SLC8A3: variants seen among roughly 807,000 people sequenced by gnomAD.
SLC8A3 encodes solute carrier family 8 member A3, also known as sodium/calcium exchanger 3.
Under a neutral mutation model 65.4 loss-of-function variants are expected in SLC8A3, and 37 were observed. The observed-to-expected ratio is 0.57, with a 90% CI of 0.44 to 0.74. The LOEUF (loss-of-function observed/expected upper bound fraction) is 0.74. Among genes scored for constraint, SLC8A3 ranks in the 30% least tolerant of loss-of-function variants. The pLI, the probability that SLC8A3 is intolerant of heterozygous loss-of-function variation, is 0.00. For missense variants in SLC8A3, 1,112 were observed against 1,172.1 expected, an observed-to-expected ratio of 0.95 and a Z score of 0.75; for synonymous variants, 461 against 444.5, an observed-to-expected ratio of 1.04 and a Z score of -0.47.
At chr14:70,047,220 A>G (rs1886893038) in intron 6 of SLC8A3, 1 of 152,144 alleles carries the variant, frequency 6.6e-6, no homozygotes, top group South Asian at 2.1e-4. Context: ...GAGATGCCCA[A>G]AGGTATCTGC....
Position 70,166,721 on chromosome 14 carries a change from T to C in SLC8A3, c.1702A>G (p.Thr568Ala), listed in dbSNP as rs1401153339. Reference protein sequence around the residue: ...ARGTVIVPFRTVEGTAKGGGE... With the variant: ...ARGTVIVPFRAVEGTAKGGGE... The stretch of plus-strand genomic sequence containing the variant: ...CCACCCTTGGCTGTCCCTTCTACTG[T>C]CCTAAAGGGGACGATGACTGTACCC... The change falls in exon 2 of 7, where the codon ACA (threonine) becomes GCA (alanine). Residue 568 changes from threonine (T) to alanine (A), a missense_variant. Thr to Ala is a moderately conservative substitution (Grantham distance 58). Coordinates refer to ENST00000356921, the MANE Select transcript of SLC8A3 (RefSeq NM_182932.3). 2.5e-6 allele frequency: 4 copies of C among 1,613,996 alleles called. No individual in the cohort carries two copies. The South Asian group carries it at 4.4e-5, about 18-fold the overall frequency.
intron 2 of SLC8A3, among the ~76,000 whole-genome samples, chr14:70,146,204 T>C (rs1284669249): frequency 1.3e-5 from 2 of 152,110 alleles, no homozygotes; most frequent in Non-Finnish European, 2.9e-5. Flanking sequence ...CTGAATAAAA[T>C]GGTAATTGAC....
At chr14:70,182,562 G>GAGAA (rs56908311) in intron 1 of SLC8A3, among the ~76,000 whole-genome samples, 129,394 of 151,484 alleles carry the variant, frequency 0.85, 55,335 homozygotes, top group Admixed American at 0.88. Flanking sequence ...GAGAGAGAGA[G>GAGAA]AGAAAGAGGG....
At chr14:70,150,261 A>G (rs1163556969) in intron 2 of SLC8A3, among the ~76,000 whole-genome samples, 1 of 152,238 alleles carries the variant, frequency 6.6e-6, no homozygotes, top group African/African-American at 2.4e-5. Flanking sequence ...AGGTGCTATT[A>G]TTAGCCATGT....
At chr14:70,079,777 G>A (rs1300524506) in intron 2 of SLC8A3, among the ~76,000 whole-genome samples, 3 of 152,168 alleles carry the variant, frequency 2.0e-5, no homozygotes, top group African/African-American at 4.8e-5. Flanking sequence ...CAATAATTTA[G>A]TTGAGCTCTG....
chr14:70,175,987 A>G (rs2140413726), intron 1 of SLC8A3, among the ~76,000 whole-genome samples: 1 of 151,790 alleles, frequency 6.6e-6, no homozygotes, highest in East Asian at 1.9e-4. Flanking sequence ...CGCCCACCTC[A>G]CCCTCCCAAA....
intron 2 of SLC8A3, among the ~76,000 whole-genome samples, chr14:70,113,689 G>T (rs76984421): frequency 0.047 from 7,099 of 152,218 alleles, 208 homozygotes; most frequent in Middle Eastern, 0.075. Flanking sequence ...TAAAAATGAG[G>T]TGAATCACTA....
At chr14:70,062,805 C>T (rs944913780) in intron 2 of SLC8A3, among the ~76,000 whole-genome samples, 1 of 152,152 alleles carries the variant, frequency 6.6e-6, no homozygotes, top group Non-Finnish European at 1.5e-5. Flanking sequence ...TATGGGACCC[C>T]AGGGCTGTCT....
intron 1 of SLC8A3, among the ~76,000 whole-genome samples, chr14:70,184,972 T>C (rs28591664): frequency 1.0e-3 from 114 of 113,030 alleles, no homozygotes; most frequent in Admixed American, 9.0e-4. Context: ...TTTTCTTTTT[T>C]TTTTTTTTTT....
intron 1 of SLC8A3, among the ~76,000 whole-genome samples, chr14:70,172,982 G>A (rs1192751334): frequency 6.6e-6 from 1 of 152,174 alleles, no homozygotes; most frequent in East Asian, 1.9e-4. Context: ...TGATGGAAAA[G>A]GCTGCTGTGG....
rs778608471 is a variant in SLC8A3, at chr14:70,046,287, A to G, written c.2426T>C (p.Val809Ala). Residue 809 changes from valine to alanine, a missense_variant, in exon 7 of 7, where the codon GTA (valine) becomes GCA (alanine). Transcript: ENST00000356921. This position sits in a 1 kb window ranked among gnomAD's most constrained non-coding sequence, Gnocchi z 4.2. ...FASKAAALQDVYADASIGNVT... is the reference protein window; with the variant it reads ...FASKAAALQDAYADASIGNVT... The stretch of plus-strand genomic sequence containing the variant: ...GTTGCCAATGGAGGCGTCTGCATAT[A>G]CATCCTGGAGGGCAGCAGCTTTGCT... 1.6e-5 allele frequency: 26 copies of G among 1,613,374 alleles called. No individual in the cohort carries two copies. Among genetic ancestry groups the G allele is most frequent in the Non-Finnish European group, 2.0e-5 (24 of 1,179,566 alleles).
chr14:70,152,592 T>A (rs916057451), intron 2 of SLC8A3, among the ~76,000 whole-genome samples: 1 of 151,836 alleles, frequency 6.6e-6, no homozygotes, highest in African/African-American at 2.4e-5. Context: ...GATTTAGCCA[T>A]GAGAAGAAAG....
chr14:70,060,642 G>A (rs748885857), intron 3 of SLC8A3, 194 bp downstream of exon 3: 9 of 725,296 alleles, frequency 1.2e-5, no homozygotes, highest in Admixed American at 7.0e-5. Context: ...AGATGATACC[G>A]AAACAGGGTG....
At chr14:70,063,965 TAGAGTGTAGGACAAGTCAGC>T (rs1566747605) in intron 2 of SLC8A3, 1 of 1,192,196 alleles carries the variant, frequency 8.4e-7, no homozygotes, top group South Asian at 1.2e-5. Flanking sequence ...AAGCAAGGAG[TAGAGTGTAGGACAAGTCAGC>T]CAGCAGACAA....
intron 2 of SLC8A3, among the ~76,000 whole-genome samples, chr14:70,108,399 C>CA (rs764907002): frequency 0.27 from 25,119 of 91,654 alleles, 2,764 homozygotes; most frequent in African/African-American, 0.38. Context: ...GACTCCGTCT[C>CA]AAAAAAAAAA....
chr14:70,149,132 A>G (rs950387311), intron 2 of SLC8A3, among the ~76,000 whole-genome samples: 1 of 152,244 alleles, frequency 6.6e-6, no homozygotes, highest in Non-Finnish European at 1.5e-5. Flanking sequence ...CCTGGCACAC[A>G]GTAAGTACTA....
At chr14:70,104,737 A>G (rs1278101462) in intron 2 of SLC8A3, among the ~76,000 whole-genome samples, 2 of 152,222 alleles carry the variant, frequency 1.3e-5, no homozygotes, top group Non-Finnish European at 2.9e-5. Flanking sequence ...AAGAAAAATT[A>G]GAATATATTG....
intron 2 of SLC8A3, among the ~76,000 whole-genome samples, chr14:70,151,730 A>G (rs1363887564): frequency 6.6e-6 from 1 of 152,196 alleles, no homozygotes; most frequent in African/African-American, 2.4e-5. Flanking sequence ...GTCCAAAATC[A>G]AGGTATCAGC....
At chr14:70,049,618 C>A in intron 5 of SLC8A3, among the ~76,000 whole-genome samples, 1 of 145,400 alleles carries the variant, frequency 6.9e-6, no homozygotes, top group African/African-American at 2.7e-5. Context: ...TACCCCAGAA[C>A]TTAATGTATA....
Sources: allele counts gnomAD v4.1 joint callset (sites outside exome capture counted in the v4.1 genomes callset), GRCh38; gene constraint gnomAD v4.1.1; non-coding constraint Gnocchi (gnomAD v3.1); transcripts MANE v1.5; gene names NCBI Gene and HGNC (gene_info 2026-07-23, HGNC 2026-07-21).